The following ST6GALNAC5 variants were observed in gnomAD, a reference collection of about 807,000 sequenced individuals.
The protein encoded by ST6GALNAC5 is alpha-N-acetylgalactosaminide alpha-2,6-sialyltransferase 5.
In ST6GALNAC5, 27 loss-of-function variants were observed where a neutral mutation model predicts 33.6. The observed-to-expected ratio is 0.80, with a 90% CI of 0.59 to 1.11. The LOEUF (loss-of-function observed/expected upper bound fraction) is 1.11, where lower values mean the gene tolerates loss of function less well. Among genes scored for constraint, ST6GALNAC5 ranks in the 50% least tolerant of loss-of-function variants. ST6GALNAC5 has a pLI of 0.00. For synonymous variants in ST6GALNAC5, 194 were observed against 171.2 expected, an observed-to-expected ratio of 1.13 and a Z score of -1.04; for missense variants, 428 against 454.0, an observed-to-expected ratio of 0.94 and a Z score of 0.52.
At chr1:76,911,718 A>C (rs1646914551) in intron 2 of ST6GALNAC5, among the ~76,000 whole-genome samples, 1 of 152,112 alleles carries the variant, frequency 6.6e-6, no homozygotes, top group South Asian at 2.1e-4. Context: ...TAGATTTTCT[A>C]GTTTATTTGC....
intron 2 of ST6GALNAC5, among the ~76,000 whole-genome samples, chr1:76,923,956 C>T (rs1199782482): frequency 1.3e-5 from 2 of 152,044 alleles, no homozygotes; most frequent in Admixed American, 1.3e-4. Context: ...TGAGCTTTTG[C>T]AAATGCATCA....
At chr1:76,933,981 T>A (rs1647171081) in intron 2 of ST6GALNAC5, among the ~76,000 whole-genome samples, 1 of 152,036 alleles carries the variant, frequency 6.6e-6, no homozygotes, top group Non-Finnish European at 1.5e-5. Context: ...TGCCACTTCC[T>A]CCTTTCCTGA....
At chr1:77,010,096 T>G (rs1650576295) in intron 2 of ST6GALNAC5, among the ~76,000 whole-genome samples, 1 of 152,226 alleles carries the variant, frequency 6.6e-6, no homozygotes, top group African/African-American at 2.4e-5. Flanking sequence ...CCTTCTGGTA[T>G]GATTTACTGT....
At chr1:76,953,431 C>T (rs756458507) in intron 2 of ST6GALNAC5, among the ~76,000 whole-genome samples, 1 of 152,176 alleles carries the variant, frequency 6.6e-6, no homozygotes, top group African/African-American at 2.4e-5. Context: ...TGGATAACGA[C>T]GTTGGACATC....
chr1:76,938,746 C>G (rs1036136688), intron 2 of ST6GALNAC5, among the ~76,000 whole-genome samples: 1 of 152,098 alleles, frequency 6.6e-6, no homozygotes, highest in Non-Finnish European at 1.5e-5. Context: ...GGTTGAATCC[C>G]TGGAACAACT....
At chr1:76,939,269 T>C (rs1647269099) in intron 2 of ST6GALNAC5, among the ~76,000 whole-genome samples, 1 of 152,112 alleles carries the variant, frequency 6.6e-6, no homozygotes, top group South Asian at 2.1e-4. Flanking sequence ...GTTCTGGCGA[T>C]AGGAAAGCGA....
At chr1:76,893,850 A>G (rs912882938) in intron 2 of ST6GALNAC5, among the ~76,000 whole-genome samples, 21 of 152,074 alleles carry the variant, frequency 1.4e-4, no homozygotes, top group African/African-American at 5.1e-4. Context: ...TTGTAGAGAC[A>G]GGGTTTCACC....
chr1:77,028,487 C>G (rs1359001389), intron 2 of ST6GALNAC5, among the ~76,000 whole-genome samples: 1 of 152,144 alleles, frequency 6.6e-6, no homozygotes, highest in Non-Finnish European at 1.5e-5. Flanking sequence ...AACCCACTTT[C>G]TGCAGCTTCA....
chr1:77,002,411 G>C (rs1198738076), intron 2 of ST6GALNAC5, among the ~76,000 whole-genome samples: 2 of 152,096 alleles, frequency 1.3e-5, no homozygotes, highest in Admixed American at 1.3e-4. Context: ...ATAGCGGTCT[G>C]TAAATTTTGT....
chr1:77,056,027 T>C (rs779973155), intron 4 of ST6GALNAC5, among the ~76,000 whole-genome samples: 12 of 152,326 alleles, frequency 7.9e-5, no homozygotes, highest in Non-Finnish European at 1.5e-4. Context: ...CACATTGTTT[T>C]ATTTTCAGCC....
In ST6GALNAC5 at chr1:76,868,372, C is replaced by T; in HGVS notation, c.16-125C>T. On this transcript the variant is annotated intron_variant, in intron 1 of 4. Coordinates refer to ENST00000477717, the MANE Select transcript of ST6GALNAC5 (RefSeq NM_030965.3). This position sits in a 1 kb window ranked among gnomAD's most constrained non-coding sequence, Gnocchi z 4.3. ...TCTGTCCCAGTTGCGTGCGGCGGGG[C>T]TGGGGCCCAGGCCGCCCCAAATCTC... 1 of 1,376,864 alleles carries T rather than the reference C, an allele frequency of 7.3e-7. No homozygotes were observed. Among genetic ancestry groups the T allele is most frequent in the Non-Finnish European group, 9.6e-7 (1 of 1,039,292 alleles). The allele number at this position is 1,376,864 out of a possible 1,614,324, so 85.3% of individuals were successfully genotyped here.
chr1:76,891,892 T>C (rs562829194), intron 2 of ST6GALNAC5, among the ~76,000 whole-genome samples: 1 of 152,326 alleles, frequency 6.6e-6, no homozygotes, highest in African/African-American at 2.4e-5. Flanking sequence ...CGCATATCTA[T>C]GTATTTTAAA....
chr1:76,989,145 T>C (rs527764495), intron 2 of ST6GALNAC5, among the ~76,000 whole-genome samples: 1 of 152,242 alleles, frequency 6.6e-6, no homozygotes, highest in Non-Finnish European at 1.5e-5. Context: ...ATATGTCTCA[T>C]TGGTCATTCT....
chr1:77,010,531 C>T (rs1320525863), intron 2 of ST6GALNAC5, among the ~76,000 whole-genome samples: 1 of 151,984 alleles, frequency 6.6e-6, no homozygotes, highest in African/African-American at 2.4e-5. Context: ...AACCTTGCCT[C>T]GTACTGTTGG....
At position 76,879,262 on chromosome 1, in the gene ST6GALNAC5, A is replaced by C. The variant is rs567206054; in HGVS notation, c.261+10520A>C. ...GAGACCAGGCATTTCCAGCTCACTC[A>C]CAGTGAGTCATCTTTTAATTCATAT... On this transcript the variant is annotated intron_variant, in intron 2 of 4. Coordinates refer to ENST00000477717, the MANE Select transcript of ST6GALNAC5 (RefSeq NM_030965.3). 3.3e-5 allele frequency among the ~76,000 whole-genome samples: 5 copies of C among 152,284 alleles called. No individual in the cohort carries two copies. In the South Asian group the frequency reaches 1.0e-3, roughly 32 times the overall value.
At chr1:77,039,851 C>A (rs745375566) in intron 2 of ST6GALNAC5, among the ~76,000 whole-genome samples, 3 of 152,220 alleles carry the variant, frequency 2.0e-5, no homozygotes, top group African/African-American at 4.8e-5. Context: ...GCCACCTCCC[C>A]TCTTGTGTCT....
chr1:76,985,604 C>G (rs960571394), intron 2 of ST6GALNAC5, among the ~76,000 whole-genome samples: 1 of 152,122 alleles, frequency 6.6e-6, no homozygotes, highest in Non-Finnish European at 1.5e-5. Flanking sequence ...TTTATAGATT[C>G]AAGGCCATCC....
intron 2 of ST6GALNAC5, among the ~76,000 whole-genome samples, chr1:76,956,643 T>C (rs575859689): frequency 6.6e-6 from 1 of 152,252 alleles, no homozygotes; most frequent in African/African-American, 2.4e-5. Flanking sequence ...GTCACTCCTG[T>C]CAGTGGAGGA....
chr1:76,884,087 A>C (rs1653842101), intron 2 of ST6GALNAC5, among the ~76,000 whole-genome samples: 2 of 152,162 alleles, frequency 1.3e-5, no homozygotes, highest in South Asian at 4.1e-4. Context: ...AGGAAGAGGG[A>C]CCAATTAGCA....
Sources: allele counts gnomAD v4.1 joint callset (sites outside exome capture counted in the v4.1 genomes callset), GRCh38; gene constraint gnomAD v4.1.1; non-coding constraint Gnocchi (gnomAD v3.1); transcripts MANE v1.5; gene names NCBI Gene and HGNC (gene_info 2026-07-23, HGNC 2026-07-21).